ZFHX3: variants seen among roughly 807,000 people sequenced by gnomAD.
The protein encoded by ZFHX3 is zinc finger homeobox 3.
ZFHX3 carries 42 observed loss-of-function variants against 279.1 expected under a neutral mutation model. The ratio of observed to expected loss-of-function variants is 0.15; its 90% CI spans 0.12 to 0.19. The LOEUF is 0.19. Ranked by LOEUF, ZFHX3 falls within the 10% of genes least tolerant of loss-of-function variation. The pLI is 1.00. For synonymous variants in ZFHX3, 2,293 were observed against 1,957.8 expected (o/e 1.17, Z -4.52); for missense variants, 4,981 against 4,754.0 (o/e 1.05, Z -1.40).
chr16:72,874,198 A>ATTTTTTTTTTTTTTTTT lies in ZFHX3; in HGVS notation c.3448+15516_3448+15532dup, dbSNP rs565664402. On this transcript the variant is annotated intron_variant, in intron 4 of 9. Coordinates refer to ENST00000268489, the MANE Select transcript of ZFHX3 (RefSeq NM_006885.4). ...TGGAGCTCAGATGGAGGATTTTTTG[A>ATTTTTTTTTTTTTTTTT]TTTTTTTTTTTTTTTTTTTTTTTTT... Among the ~76,000 whole-genome samples the ATTTTTTTTTTTTTTTTT allele has an allele frequency of 9.5e-5, 9 of 95,138 alleles. 2 individuals are homozygous for ATTTTTTTTTTTTTTTTT. The highest frequency in any genetic ancestry group is 4.2e-4 in the African/African-American group (9 of 21,238). The allele number at this position is 95,138 out of a possible 152,430, so 62.4% of individuals were successfully genotyped here. A position where few individuals can be genotyped will look rare whatever the true frequency, so the allele number is the denominator to read the frequency against.
intron 1 of ZFHX3, among the ~76,000 whole-genome samples, chr16:73,718,828 C>T (rs1381879885): frequency 1.3e-5 from 2 of 151,968 alleles, no homozygotes; most frequent in Non-Finnish European, 2.9e-5. Flanking sequence ...ATTGGCCAGG[C>T]TGGTCTCAAA....
At chr16:72,901,190 T>C (rs1252253503) in intron 3 of ZFHX3, among the ~76,000 whole-genome samples, 2 of 152,176 alleles carry the variant, frequency 1.3e-5, no homozygotes, top group Admixed American at 6.5e-5. Context: ...TGAGGCATCA[T>C]TTTTTCCTCC....
At chr16:73,806,399 T>C (rs150096095) in intron 1 of ZFHX3, among the ~76,000 whole-genome samples, 123 of 152,176 alleles carry the variant, frequency 8.1e-4, no homozygotes, top group Middle Eastern at 3.4e-3. Flanking sequence ...GAACAAGAGA[T>C]CAGAGATGGA....
chr16:72,803,375 G>C (rs901499592), intron 7 of ZFHX3, among the ~76,000 whole-genome samples: 1 of 152,078 alleles, frequency 6.6e-6, no homozygotes, highest in Non-Finnish European at 1.5e-5. Context: ...GCTGAGCACA[G>C]GTAAAGACCT....
intron 3 of ZFHX3, among the ~76,000 whole-genome samples, chr16:73,353,932 A>G (rs1752286040): frequency 6.6e-6 from 1 of 152,202 alleles, no homozygotes; most frequent in Non-Finnish European, 1.5e-5. Flanking sequence ...GCATTGTATG[A>G]AGCACTTCAC....
intron 3 of ZFHX3, among the ~76,000 whole-genome samples, chr16:72,907,050 C>T (rs1328350905): frequency 6.6e-6 from 1 of 152,206 alleles, no homozygotes; most frequent in Non-Finnish European, 1.5e-5. Context: ...TGCAGTCAAT[C>T]GCTCACCATC....
rs867296331 is a variant in ZFHX3 at position 73,114,937 on chromosome 16, C to T, written c.-897+16031G>A. On this transcript the variant is annotated intron_variant, in intron 7 of 17. Coordinates refer to the ZFHX3 transcript ENST00000641206. ...CCTCCCAAGCTGTAGGGACTACAGGCGCATGCCACCATGCCTAGCTGATTG... is the reference window on the plus strand; with the variant it reads ...CCTCCCAAGCTGTAGGGACTACAGGTGCATGCCACCATGCCTAGCTGATTG... Among the ~76,000 whole-genome samples, 6 of 152,100 alleles carry T rather than the reference C, an allele frequency of 3.9e-5. 1 individual carries two copies. Among genetic ancestry groups the T allele is most frequent in the Non-Finnish European group, 7.4e-5 (5 of 68,020 alleles).
intron 7 of ZFHX3, among the ~76,000 whole-genome samples, chr16:72,800,360 T>A (rs939350620): frequency 6.6e-6 from 1 of 152,182 alleles, no homozygotes; most frequent in African/African-American, 2.4e-5. Flanking sequence ...TGAAGAATAA[T>A]CTTCTTATTA....
At chr16:72,848,476 G>A (rs1263925200) in intron 4 of ZFHX3, among the ~76,000 whole-genome samples, 1 of 152,174 alleles carries the variant, frequency 6.6e-6, no homozygotes, top group Non-Finnish European at 1.5e-5. Flanking sequence ...AAACTCCGCT[G>A]TGGAGTATCA....
chr16:73,152,602 G>T (rs187166017), intron 5 of ZFHX3, among the ~76,000 whole-genome samples: 193 of 138,998 alleles, frequency 1.4e-3, no homozygotes, highest in African/African-American at 5.2e-3. Context: ...ACAAACTAGG[G>T]GCCTGTAGCA....
intron 4 of ZFHX3, among the ~76,000 whole-genome samples, chr16:72,832,608 G>A (rs148700414): frequency 2.1e-4 from 32 of 152,274 alleles, no homozygotes; most frequent in Middle Eastern, 3.4e-3. Context: ...AAATGATTAC[G>A]AAAATCCTGG....
At chr16:73,531,953 T>C (rs944935826) in intron 2 of ZFHX3, among the ~76,000 whole-genome samples, 3 of 151,626 alleles carry the variant, frequency 2.0e-5, no homozygotes, top group African/African-American at 7.3e-5. Flanking sequence ...ACTGGATATG[T>C]GGCATGCACC....
chr16:73,243,850 T>C (rs1028132204), intron 5 of ZFHX3, among the ~76,000 whole-genome samples: 1 of 152,142 alleles, frequency 6.6e-6, no homozygotes, highest in African/African-American at 2.4e-5. Context: ...ATGTTACTTA[T>C]TTGGAATTGA....
chr16:73,432,565 A>G (rs2017927714), intron 3 of ZFHX3, among the ~76,000 whole-genome samples: 1 of 152,166 alleles, frequency 6.6e-6, no homozygotes, highest in African/African-American at 2.4e-5. Context: ...TGTTATTCAC[A>G]TATGAAGAGA....
chr16:73,789,970 A>G (rs1179624276), intron 1 of ZFHX3, among the ~76,000 whole-genome samples: 1 of 152,078 alleles, frequency 6.6e-6, no homozygotes, highest in Non-Finnish European at 1.5e-5. Flanking sequence ...ATCGCATTGC[A>G]CTCTCGCCGC....
At chr16:73,785,336 A>T (rs1959611120) in intron 1 of ZFHX3, among the ~76,000 whole-genome samples, 1 of 152,174 alleles carries the variant, frequency 6.6e-6, no homozygotes. Flanking sequence ...ATTTATCCCC[A>T]AATTCTTCCA....
At chr16:73,549,693 C>A (rs962771077) in intron 2 of ZFHX3, among the ~76,000 whole-genome samples, 3 of 152,140 alleles carry the variant, frequency 2.0e-5, no homozygotes, top group African/African-American at 7.2e-5. Flanking sequence ...AAATCCCAGT[C>A]CAAACACAGA....
chr16:73,463,550 C>T lies in ZFHX3; in HGVS notation c.-1546-7292G>A, dbSNP rs1023367865. ...TTGTTTGCTTTCCCTTTATACCCTC[C>T]TGCCGTTTCCCTTCTTTTCGTTATC... On this transcript the variant is annotated intron_variant, in intron 2 of 17. Coordinates refer to the ZFHX3 transcript ENST00000641206. Among the ~76,000 whole-genome samples the T allele has an allele frequency of 3.3e-5, 5 of 152,196 alleles. No homozygotes were observed. The East Asian group carries it at 9.6e-4, about 29-fold the overall frequency.
chr16:73,662,006 A>ATT (rs371669198), intron 2 of ZFHX3, among the ~76,000 whole-genome samples: 80,245 of 141,696 alleles, frequency 0.57, 23,047 homozygotes, highest in East Asian at 0.83. Flanking sequence ...CAACGGACCA[A>ATT]TTTTTTTTTT....
Sources: gnomAD v4.1 joint callset for allele counts (sites outside exome capture counted in the v4.1 genomes callset) on GRCh38, gnomAD v4.1.1 for gene constraint, MANE v1.5 for transcripts, NCBI Gene and HGNC (gene_info 2026-07-23, HGNC 2026-07-21) for gene names.